Variants in LCP2 observed in about 807,000 individuals in gnomAD.
LCP2 encodes 76 kDa tyrosine phosphoprotein.
In LCP2, 29 loss-of-function variants were observed where a neutral mutation model predicts 74.5. The observed-to-expected ratio is 0.39, with a 90% CI of 0.29 to 0.53. LCP2 has a LOEUF of 0.53. Among genes scored for constraint, LCP2 ranks in the 20% least tolerant of loss-of-function variants. The pLI is 0.72. For synonymous variants in LCP2, 228 were observed against 229.5 expected (o/e 0.99, Z 0.06); for missense variants, 604 against 634.6 (o/e 0.95, Z 0.52).
chr5:170,253,917 T>C (rs1330274248), intron 17 of LCP2, among the ~76,000 whole-genome samples: 1 of 152,212 alleles, frequency 6.6e-6, no homozygotes, highest in African/African-American at 2.4e-5. Context: ...GAATGTTTCC[T>C]AATCTCAGGA....
chr5:170,252,999 A>G, intron 18 of LCP2, 120 bp downstream of exon 18: 1 of 652,700 alleles, frequency 1.5e-6, no homozygotes, highest in East Asian at 2.9e-5. Flanking sequence ...CTTTTTTTTC[A>G]AATAAATAAA....
intron 17 of LCP2, among the ~76,000 whole-genome samples, chr5:170,255,591 G>A (rs1364661733): frequency 6.6e-6 from 1 of 152,134 alleles, no homozygotes; most frequent in African/African-American, 2.4e-5. Flanking sequence ...ACTAGAGTTG[G>A]GTAACTTTCC....
intron 19 of LCP2, 138 bp from the exon 20 acceptor site, chr5:170,251,023 C>T (rs924787303): frequency 1.6e-6 from 1 of 623,976 alleles, no homozygotes; most frequent in Non-Finnish European, 2.8e-6. Context: ...CAAAACCTGT[C>T]ATTCAACGAA....
At position 170,270,715 on chromosome 5, in the gene LCP2, T is replaced by C; in HGVS notation, c.523+4A>G. ...GGCCAGAAAATCCGGAAACGGGCCC[T>C]TACCGATGTACATGGAGTTGGAGTT... On this transcript the variant is annotated splice_donor_region_variant and intron_variant, in intron 7 of 20. Coordinates refer to ENST00000046794, the MANE Select transcript of LCP2 (RefSeq NM_005565.5). The C allele has an allele frequency of 6.4e-7, 1 of 1,568,960 alleles. No individual in the cohort carries two copies. The highest frequency in any genetic ancestry group is 8.6e-7 in the Non-Finnish European group (1 of 1,160,236).
chr5:170,257,503 G>A (rs150549681), intron 16 of LCP2, among the ~76,000 whole-genome samples: 5 of 152,268 alleles, frequency 3.3e-5, no homozygotes, highest in South Asian at 2.1e-4. Context: ...CAGGCTGCCC[G>A]TGGGCTTGTT....
intron 1 of LCP2, among the ~76,000 whole-genome samples, chr5:170,295,694 G>A (rs116136059): frequency 1.9e-3 from 283 of 152,272 alleles, no homozygotes; most frequent in Non-Finnish European, 3.4e-3. Context: ...CGGTCCATTC[G>A]TTTGGTAGTT....
At chr5:170,289,649 CTTTCTTTCTTTCTT>C (rs1762247105) in intron 2 of LCP2, among the ~76,000 whole-genome samples, 5 of 116,628 alleles carry the variant, frequency 4.3e-5, no homozygotes, top group Admixed American at 1.9e-4. Context: ...TTCTTTCTTT[CTTTCTTTCTTTCTT>C]TCTTTCTTTC....
At chr5:170,266,957 T>A (rs1252132847) in intron 9 of LCP2, 52 bp downstream of exon 9, 4 of 1,610,678 alleles carry the variant, frequency 2.5e-6, no homozygotes, top group African/African-American at 2.7e-5. Context: ...TGGGCGGGGC[T>A]AGGGGAGTGC....
chr5:170,272,833 C>T (rs778975085), intron 6 of LCP2, among the ~76,000 whole-genome samples: 14 of 151,382 alleles, frequency 9.2e-5, no homozygotes, highest in African/African-American at 3.4e-4. Flanking sequence ...AGGATGGTCT[C>T]GATCTCTTGA....
chr5:170,292,142 C>A (rs555049048), intron 2 of LCP2, among the ~76,000 whole-genome samples: 15 of 152,316 alleles, frequency 9.8e-5, no homozygotes, highest in Non-Finnish European at 2.2e-4. Flanking sequence ...AGCCATTTCT[C>A]TATCCCCACC....
At chr5:170,255,436 C>CA (rs1431506945) in intron 17 of LCP2, among the ~76,000 whole-genome samples, 2 of 151,916 alleles carry the variant, frequency 1.3e-5, no homozygotes, top group South Asian at 4.1e-4. Context: ...AACATGACTG[C>CA]AAAAAAAGTG....
intron 3 of LCP2, 195 bp downstream of exon 3, chr5:170,287,775 G>T: frequency 1.6e-6 from 1 of 615,916 alleles, no homozygotes; most frequent in Non-Finnish European, 2.9e-6. Flanking sequence ...CACCAGCTGG[G>T]CTGGATCTGT....
chr5:170,270,217 AG>A (rs1761872846), intron 7 of LCP2, among the ~76,000 whole-genome samples: 1 of 152,236 alleles, frequency 6.6e-6, no homozygotes, highest in Non-Finnish European at 1.5e-5. Context: ...GTGGGCTAAA[AG>A]GACAGATAGA....
intron 10 of LCP2, among the ~76,000 whole-genome samples, chr5:170,265,044 G>A (rs1307081573): frequency 2.2e-5 from 3 of 139,464 alleles, no homozygotes; most frequent in Middle Eastern, 4.1e-3. Context: ...CTGGAGTGCA[G>A]TGGCATGATC....
At chr5:170,260,402 G>A (rs1271742149) in intron 14 of LCP2, among the ~76,000 whole-genome samples, 1 of 152,230 alleles carries the variant, frequency 6.6e-6, no homozygotes, top group East Asian at 1.9e-4. Context: ...AGGGCTTATG[G>A]TGTAGAGAAA....
chr5:170,288,843 G>A (rs1301006117), intron 2 of LCP2, among the ~76,000 whole-genome samples: 2 of 152,188 alleles, frequency 1.3e-5, no homozygotes, highest in African/African-American at 4.8e-5. Flanking sequence ...GGCCTATGTT[G>A]GAGAGGATTA....
intron 6 of LCP2, 135 bp from the exon 7 acceptor site, chr5:170,271,052 A>G: frequency 2.9e-6 from 2 of 693,422 alleles, no homozygotes; most frequent in Non-Finnish European, 4.6e-6. Flanking sequence ...GGTTACTCCC[A>G]TTTTACAGAT....
At position 170,253,049 on chromosome 5, in the gene LCP2, A is replaced by G. The variant is rs1477325793; in HGVS notation, c.1245+70T>C. 8.6e-6 allele frequency: 8 copies of G among 926,444 alleles called. No individual in the cohort carries two copies. The East Asian group carries it at 1.3e-4, about 15-fold the overall frequency. The allele number at this position is 926,444 out of a possible 1,614,324, so 57.4% of individuals were successfully genotyped here. A position where few individuals can be genotyped will look rare whatever the true frequency, so the allele number is the denominator to read the frequency against. On this transcript the variant is annotated intron_variant, in intron 18 of 20. Transcript: ENST00000046794. ...AGATAAAAGTACAGAAGAACATTCA[A>G]TGGGAGTTTCTGGTGATTCTTTTAC...
chr5:170,293,265 G>T (rs781440603), intron 2 of LCP2, 45 bp downstream of exon 2: 39 of 1,572,330 alleles, frequency 2.5e-5, no homozygotes, highest in Non-Finnish European at 3.5e-6. Flanking sequence ...GGGGAAAAGT[G>T]CCGAACAGTC....
Sources: gnomAD v4.1 joint callset for allele counts (sites outside exome capture counted in the v4.1 genomes callset) on GRCh38, gnomAD v4.1.1 for gene constraint, MANE v1.5 for transcripts, NCBI Gene and HGNC (gene_info 2026-07-23, HGNC 2026-07-21) for gene names.